TBC1D12: variants seen among roughly 807,000 people sequenced by gnomAD.
TBC1D12 encodes TBC1 domain family, member 12.
A neutral mutation model predicts 86.7 loss-of-function variants in TBC1D12; 56 were observed. The observed-to-expected ratio is 0.65, with a 90% CI of 0.52 to 0.81. The LOEUF is 0.81. TBC1D12 is among the 30% of genes least tolerant of loss of function. TBC1D12 has a pLI of 0.00. For synonymous variants in TBC1D12, 421 were observed against 411.7 expected, an observed-to-expected ratio of 1.02 and a Z score of -0.27; for missense variants, 1,023 against 1,038.8, an observed-to-expected ratio of 0.98 and a Z score of 0.21.
At chr10:94,454,554 G>T (rs1244543884) in intron 2 of TBC1D12, among the ~76,000 whole-genome samples, 2 of 152,118 alleles carry the variant, frequency 1.3e-5, no homozygotes, top group African/African-American at 4.8e-5. Context: ...CATTTGTTTT[G>T]TTCTTCTTTG....
At chr10:94,505,702 A>G (rs1186316125) in intron 6 of TBC1D12, among the ~76,000 whole-genome samples, 1 of 152,188 alleles carries the variant, frequency 6.6e-6, no homozygotes, top group Non-Finnish European at 1.5e-5. Context: ...TGTTTGAAAT[A>G]TATCTACTCA....
At chr10:94,531,855 TTATTTTA>T (rs1224150365) in intron 12 of TBC1D12, among the ~76,000 whole-genome samples, 59 of 140,036 alleles carry the variant, frequency 4.2e-4, no homozygotes, top group Non-Finnish European at 6.2e-4. Context: ...TTATGTTATT[TTATTTTA>T]TATGTTATGT....
intron 1 of TBC1D12, among the ~76,000 whole-genome samples, chr10:94,407,135 T>C (rs907680214): frequency 6.6e-6 from 1 of 152,240 alleles, no homozygotes; most frequent in Admixed American, 6.5e-5. Flanking sequence ...CATAGTATTA[T>C]GTTAAGACAC....
At position 94,504,324 on chromosome 10, in the gene TBC1D12, A is replaced by G. The variant is rs58187158; in HGVS notation, c.1520-2943A>G. On this transcript the variant is annotated intron_variant, in intron 6 of 12. Coordinates refer to ENST00000225235, the MANE Select transcript of TBC1D12 (RefSeq NM_015188.2). The stretch of plus-strand genomic sequence containing the variant: ...ATTGGTGTTAACGTTTTGTGATACT[A>G]TAATCAAAAGGTTCGTTTTTAGCTT... Among the ~76,000 whole-genome samples the G allele has an allele frequency of 8.5e-3, 1,296 of 152,330 alleles. 2 individuals are homozygous for G. The highest frequency in any genetic ancestry group is 0.051 in the Middle Eastern group (15 of 292).
At chr10:94,531,764 T>TTTATG (rs1227075123) in intron 12 of TBC1D12, among the ~76,000 whole-genome samples, 13 of 116,780 alleles carry the variant, frequency 1.1e-4, no homozygotes, top group African/African-American at 3.7e-4. Context: ...TTTATTTTAT[T>TTTATG]TTATTTTATG....
chr10:94,440,734 A>G (rs972496475), intron 1 of TBC1D12, among the ~76,000 whole-genome samples: 6 of 152,128 alleles, frequency 3.9e-5, no homozygotes, highest in Non-Finnish European at 8.8e-5. Flanking sequence ...ATTCATCAGT[A>G]CCTTCCTAAT....
chr10:94,480,673 A>C (rs1290784945), intron 3 of TBC1D12, among the ~76,000 whole-genome samples: 1 of 151,078 alleles, frequency 6.6e-6, no homozygotes, highest in Non-Finnish European at 1.5e-5. Context: ...GCAACACAGC[A>C]AAACCTTGTC....
intron 1 of TBC1D12, among the ~76,000 whole-genome samples, chr10:94,417,905 C>T (rs2055021493): frequency 1.3e-5 from 2 of 151,968 alleles, no homozygotes; most frequent in Admixed American, 6.6e-5. Context: ...CCCGCCACCA[C>T]GGCTGCCTAA....
Position 94,419,015 on chromosome 10 carries a change from C to T in TBC1D12, c.971+15431C>T, listed in dbSNP as rs192193416. Among the ~76,000 whole-genome samples the T allele has an allele frequency of 1.5e-3, 235 of 152,178 alleles. 1 individual carries two copies. Among genetic ancestry groups the T allele is most frequent in the Non-Finnish European group, 2.7e-3 (187 of 68,018 alleles). The stretch of plus-strand genomic sequence containing the variant: ...TCAGCCTCCCGAGTAGCTGGGACTA[C>T]AGGTGCACGCCACCACGCCCAGCTA... On this transcript the variant is annotated intron_variant, in intron 1 of 12. Transcript: ENST00000225235.
At chr10:94,488,457 C>T (rs1268520313) in intron 3 of TBC1D12, among the ~76,000 whole-genome samples, 1 of 126,144 alleles carries the variant, frequency 7.9e-6, no homozygotes, top group Non-Finnish European at 1.6e-5. Flanking sequence ...GTGGTGCGAT[C>T]TTGGCTCACT....
chr10:94,435,172 A>C (rs1346609344), intron 1 of TBC1D12, among the ~76,000 whole-genome samples: 1 of 152,166 alleles, frequency 6.6e-6, no homozygotes, highest in Non-Finnish European at 1.5e-5. Context: ...ATGTTGTTAT[A>C]TATGTATTCC....
At chr10:94,525,802 T>C (rs1842272833) in intron 11 of TBC1D12, among the ~76,000 whole-genome samples, 1 of 152,002 alleles carries the variant, frequency 6.6e-6, no homozygotes, top group Non-Finnish European at 1.5e-5. Flanking sequence ...TCTTTTGAAG[T>C]TTTAAAATAT....
rs1247735585 is a variant in TBC1D12, at chr10:94,534,727, T to A, written c.*1631T>A. ...CCCAACAGTGTCATGACCCTCCAAT[T>A]GAAACATAGCATGAATTATTTTTAT... On this transcript the variant is annotated 3_prime_UTR_variant, in exon 13 of 13. Transcript: ENST00000225235. 1 of 152,188 alleles carries A rather than the reference T, an allele frequency of 6.6e-6. No homozygotes were observed. The highest frequency in any genetic ancestry group is 1.9e-4 in the East Asian group (1 of 5,196). The allele number at this position is 152,188 out of a possible 1,614,324, so 9.4% of individuals were successfully genotyped here. A position where few individuals can be genotyped will look rare whatever the true frequency, so the allele number is the denominator to read the frequency against.
chr10:94,415,102 G>A (rs2054981091), intron 1 of TBC1D12, among the ~76,000 whole-genome samples: 1 of 152,138 alleles, frequency 6.6e-6, no homozygotes, highest in South Asian at 2.1e-4. Context: ...CTAGCAAATG[G>A]AATTAAAGTC....
intron 1 of TBC1D12, among the ~76,000 whole-genome samples, chr10:94,430,774 C>T (rs564024571): frequency 2.0e-5 from 3 of 152,320 alleles, no homozygotes; most frequent in South Asian, 2.1e-4. Context: ...CCTCTTTTCT[C>T]TTCTAATCCC....
At chr10:94,441,477 C>G (rs1423266672) in intron 1 of TBC1D12, among the ~76,000 whole-genome samples, 1 of 152,112 alleles carries the variant, frequency 6.6e-6, no homozygotes, top group Non-Finnish European at 1.5e-5. Flanking sequence ...CTGATTTAGA[C>G]AAATGTTTGC....
intron 1 of TBC1D12, among the ~76,000 whole-genome samples, chr10:94,415,012 C>T (rs2134054542): frequency 6.6e-6 from 1 of 152,210 alleles, no homozygotes; most frequent in South Asian, 2.1e-4. Flanking sequence ...ATGCAATATA[C>T]AGTTGTACAC....
chr10:94,419,567 A>T (rs144616969), intron 1 of TBC1D12, among the ~76,000 whole-genome samples: 1 of 152,008 alleles, frequency 6.6e-6, no homozygotes, highest in African/African-American at 2.4e-5. Context: ...TTCTCGGGAG[A>T]CTGAGGCAGG....
Position 94,403,038 on chromosome 10 carries a change from C to A in TBC1D12, c.425C>A (p.Pro142Gln). 6.4e-7 allele frequency: 1 copy of A among 1,564,918 alleles called. No individual in the cohort carries two copies. Among genetic ancestry groups the A allele is most frequent in the Non-Finnish European group, 8.6e-7 (1 of 1,160,178 alleles). The part of the protein sequence containing the change: ...GMTNGDSGFL[P>Q]GRDCRDLEEA... The stretch of plus-strand genomic sequence containing the variant: ...ACCAACGGCGACTCGGGTTTTCTGC[C>A]GGGCCGGGACTGTCGCGATCTGGAA... The change falls in exon 1 of 13, where the codon CCG (proline) becomes CAG (glutamine). Residue 142 changes from proline to glutamine, a missense_variant. By Grantham distance (76) the Pro-to-Gln change is moderately conservative (BLOSUM62 -1). Coordinates refer to ENST00000225235, the MANE Select transcript of TBC1D12 (RefSeq NM_015188.2).
Sources: gnomAD v4.1 joint callset for allele counts (sites outside exome capture counted in the v4.1 genomes callset) on GRCh38, gnomAD v4.1.1 for gene constraint, MANE v1.5 for transcripts, NCBI Gene and HGNC (gene_info 2026-07-23, HGNC 2026-07-21) for gene names.